The following PCDH15 variants were observed in gnomAD, a reference collection of about 807,000 sequenced individuals.
PCDH15 encodes protocadherin-15.
Under a neutral mutation model 178.5 loss-of-function variants are expected in PCDH15, and 129 were observed. That is an observed-to-expected ratio of 0.72 (90% CI 0.63 to 0.84). PCDH15 has a LOEUF of 0.84. Ranked by LOEUF, PCDH15 falls within the 40% of genes least tolerant of loss-of-function variation. The pLI is 0.00. For missense variants in PCDH15, 2,230 were observed against 2,099.9 expected (o/e 1.06, Z -1.21); for synonymous variants, 800 against 732.0 (o/e 1.09, Z -1.50).
chr10:54,837,858 T>C (rs1953344652), intron 3 of PCDH15, among the ~76,000 whole-genome samples: 1 of 152,078 alleles, frequency 6.6e-6, no homozygotes. Context: ...CTACCAACTG[T>C]AGTCCTGGCT....
At chr10:54,225,974 G>C (rs1591288820) in intron 9 of PCDH15, among the ~76,000 whole-genome samples, 1 of 152,234 alleles carries the variant, frequency 6.6e-6, no homozygotes, top group East Asian at 1.9e-4. Context: ...GAGTTCTTTA[G>C]AGAAACAAAA....
At position 53,895,676 on chromosome 10, in the gene PCDH15, T is replaced by G. The variant is rs1206618627; in HGVS notation, c.3501+7567A>C. ...TTGCAATAAATGCTATTTTTGCAGTTAAGACAACATGCAATAAACTGGAAA... is the reference window on the plus strand; with the variant it reads ...TTGCAATAAATGCTATTTTTGCAGTGAAGACAACATGCAATAAACTGGAAA... On this transcript the variant is annotated intron_variant, in intron 26 of 37. Coordinates refer to ENST00000644397, the MANE Select transcript of PCDH15 (RefSeq NM_001384140.1). 2.6e-5 allele frequency among the ~76,000 whole-genome samples: 4 copies of G among 152,328 alleles called. No individual in the cohort carries two copies. In the East Asian group the frequency reaches 7.7e-4, roughly 29 times the overall value.
chr10:54,084,713 G>GT (rs201283509), intron 16 of PCDH15, among the ~76,000 whole-genome samples: 4,091 of 152,092 alleles, frequency 0.027, 173 homozygotes, highest in African/African-American at 0.09. Context: ...TCAAAATTCC[G>GT]TTATTAGGAA....
At chr10:55,626,915 A>G (rs1267444906) in intron 2 of PCDH15, among the ~76,000 whole-genome samples, 2 of 152,086 alleles carry the variant, frequency 1.3e-5, no homozygotes, top group African/African-American at 4.8e-5. Flanking sequence ...CTAAATTCAC[A>G]TTATATTTAT....
intron 15 of PCDH15, 117 bp downstream of exon 15, chr10:54,132,758 A>C: frequency 6.7e-7 from 1 of 1,487,508 alleles, no homozygotes; most frequent in Non-Finnish European, 9.1e-7. Flanking sequence ...CATTCACTAG[A>C]GTGGAGGCAA....
At chr10:55,537,231 C>T (rs569443184) in intron 2 of PCDH15, among the ~76,000 whole-genome samples, 31 of 151,966 alleles carry the variant, frequency 2.0e-4, no homozygotes, top group Non-Finnish European at 3.8e-4. Context: ...AATACGTATC[C>T]CTAATATGTT....
chr10:54,512,359 T>TTGTGTGTGTGTGCG (rs2081769125), intron 3 of PCDH15, among the ~76,000 whole-genome samples: 1 of 134,088 alleles, frequency 7.5e-6, no homozygotes, highest in Admixed American at 8.0e-5. Flanking sequence ...ATTTCTGGCA[T>TTGTGTGTGTGTGCG]TGTGTGTGTG....
chr10:55,442,961 G>A (rs1337130643), intron 2 of PCDH15, among the ~76,000 whole-genome samples: 1 of 151,940 alleles, frequency 6.6e-6, no homozygotes, highest in African/African-American at 2.4e-5. Context: ...TACAAATCTA[G>A]GATAAATAGA....
At chr10:54,088,904 C>T (rs1421024536) in intron 16 of PCDH15, among the ~76,000 whole-genome samples, 6 of 151,766 alleles carry the variant, frequency 4.0e-5, no homozygotes, top group South Asian at 4.2e-4. Context: ...TATCTTTATG[C>T]TAATACTACA....
chr10:54,424,997 T>A (rs11004294), intron 3 of PCDH15, among the ~76,000 whole-genome samples: 1 of 146,010 alleles, frequency 6.8e-6, no homozygotes, highest in Non-Finnish European at 1.5e-5. Context: ...ACCCTAGAAC[T>A]TAAAGTATAA....
intron 3 of PCDH15, among the ~76,000 whole-genome samples, chr10:54,437,590 A>T (rs2075508311): frequency 6.6e-6 from 1 of 152,144 alleles, no homozygotes; most frequent in Non-Finnish European, 1.5e-5. Context: ...TTGATGGTTC[A>T]CACTGTCTCA....
intron 1 of PCDH15, among the ~76,000 whole-genome samples, chr10:54,697,063 C>A (rs932560791): frequency 5.3e-5 from 8 of 152,102 alleles, no homozygotes; most frequent in Non-Finnish European, 8.8e-5. Flanking sequence ...ATGCACATCA[C>A]TGAACCCAGC....
intron 1 of PCDH15, among the ~76,000 whole-genome samples, chr10:55,291,501 T>A (rs1035222560): frequency 6.6e-6 from 1 of 152,016 alleles, no homozygotes; most frequent in Non-Finnish European, 1.5e-5. Flanking sequence ...AAAGATCAAC[T>A]GAAATGAGAA....
chr10:54,297,326 T>C (rs191710108), intron 8 of PCDH15, among the ~76,000 whole-genome samples: 93 of 152,290 alleles, frequency 6.1e-4, no homozygotes, highest in Admixed American at 4.5e-3. Flanking sequence ...TTCTGCACTA[T>C]GGCTCGGCCA....
At chr10:54,222,549 A>G (rs2052961096) in intron 9 of PCDH15, among the ~76,000 whole-genome samples, 1 of 152,226 alleles carries the variant, frequency 6.6e-6, no homozygotes, top group Admixed American at 6.5e-5. Flanking sequence ...TAACTTTTAA[A>G]GAAATTGCCA....
chr10:55,383,811 C>A (rs1162775037), intron 2 of PCDH15, among the ~76,000 whole-genome samples: 2 of 152,034 alleles, frequency 1.3e-5, no homozygotes, highest in Non-Finnish European at 2.9e-5. Context: ...ATGTTTTATA[C>A]CTAGGATTCC....
At chr10:54,115,836 A>G (rs901995613) in intron 15 of PCDH15, among the ~76,000 whole-genome samples, 3 of 152,190 alleles carry the variant, frequency 2.0e-5, no homozygotes, top group African/African-American at 7.2e-5. Context: ...TTTAGTAACC[A>G]AAGGGAAATA....
chr10:55,292,325 A>G (rs929591038), intron 1 of PCDH15, among the ~76,000 whole-genome samples: 1 of 152,218 alleles, frequency 6.6e-6, no homozygotes, highest in African/African-American at 2.4e-5. Context: ...ACAGGCCCCA[A>G]GCAAATCTAA....
chr10:55,208,022 T>C (rs1467426851), intron 1 of PCDH15, among the ~76,000 whole-genome samples: 1 of 152,130 alleles, frequency 6.6e-6, no homozygotes, highest in Non-Finnish European at 1.5e-5. Flanking sequence ...TATTTTTAAC[T>C]CATGGGATTT....
Sources: gnomAD v4.1 joint callset for allele counts (sites outside exome capture counted in the v4.1 genomes callset) on GRCh38, gnomAD v4.1.1 for gene constraint, MANE v1.5 for transcripts, NCBI Gene and HGNC (gene_info 2026-07-23, HGNC 2026-07-21) for gene names.